The following SRPK2 variants were observed in gnomAD, a reference collection of about 807,000 sequenced individuals.
SRPK2 encodes SFRS protein kinase 2.
Under a neutral mutation model 90.8 loss-of-function variants are expected in SRPK2, and 21 were observed. The observed-to-expected ratio is 0.23, with a 90% CI of 0.16 to 0.33. The LOEUF (loss-of-function observed/expected upper bound fraction) is 0.33. SRPK2 is among the 10% of genes least tolerant of loss of function. SRPK2 has a pLI of 1.00. For synonymous variants in SRPK2, 288 were observed against 311.1 expected, an observed-to-expected ratio of 0.93 and a Z score of 0.78; for missense variants, 620 against 869.0, an observed-to-expected ratio of 0.71 and a Z score of 3.60.
At chr7:105,215,862 G>A (rs1797397427) in intron 2 of SRPK2, among the ~76,000 whole-genome samples, 1 of 152,132 alleles carries the variant, frequency 6.6e-6, no homozygotes, top group Non-Finnish European at 1.5e-5. Context: ...CTACTCAAGT[G>A]TATGAAGTTT....
chr7:105,257,879 A>G (rs1803554188), intron 2 of SRPK2, among the ~76,000 whole-genome samples: 1 of 152,214 alleles, frequency 6.6e-6, no homozygotes. Context: ...TGGGAGTCCG[A>G]GGCAGGCAGA....
chr7:105,341,682 AC>A (rs1322225834), intron 2 of SRPK2, among the ~76,000 whole-genome samples: 1 of 151,998 alleles, frequency 6.6e-6, no homozygotes, highest in Non-Finnish European at 1.5e-5. Flanking sequence ...AAATAAAAAA[AC>A]AGGGGACGGG....
chr7:105,305,499 A>G (rs1027159569), intron 2 of SRPK2, among the ~76,000 whole-genome samples: 2 of 152,204 alleles, frequency 1.3e-5, no homozygotes, highest in Non-Finnish European at 2.9e-5. Flanking sequence ...GACCAAGGAA[A>G]TTGTAGAGAA....
At chr7:105,130,057 G>C (rs557241281) in intron 13 of SRPK2, among the ~76,000 whole-genome samples, 1 of 152,162 alleles carries the variant, frequency 6.6e-6, no homozygotes, top group South Asian at 2.1e-4. Context: ...TACACTGGAA[G>C]GTGTAAAGCT....
chr7:105,264,369 G>A (rs1585429173), intron 2 of SRPK2, among the ~76,000 whole-genome samples: 1 of 152,312 alleles, frequency 6.6e-6, no homozygotes, highest in African/African-American at 2.4e-5. Flanking sequence ...CACAAAAACA[G>A]CCTGGGTTCC....
At chr7:105,227,893 C>CAAAAAAAAAAAAAAAAAAAAA (rs566478716) in intron 2 of SRPK2, among the ~76,000 whole-genome samples, 5 of 84,690 alleles carry the variant, frequency 5.9e-5, no homozygotes, top group Non-Finnish European at 7.4e-5. Flanking sequence ...TATCATTCAG[C>CAAAAAAAAAAAAAAAAAAAAA]AAAAAAAAAA....
chr7:105,256,470 C>T (rs1009939840), intron 2 of SRPK2, among the ~76,000 whole-genome samples: 2 of 152,170 alleles, frequency 1.3e-5, no homozygotes, highest in African/African-American at 2.4e-5. Flanking sequence ...ATCCTCTCAC[C>T]GCAGCCTCCT....
chr7:105,261,448 G>A (rs548145699), intron 2 of SRPK2, among the ~76,000 whole-genome samples: 4 of 152,040 alleles, frequency 2.6e-5, no homozygotes, highest in South Asian at 4.2e-4. Context: ...GTGAACCTGG[G>A]AGGCGGAGCT....
chr7:105,343,952 G>A (rs1049953833), intron 2 of SRPK2, among the ~76,000 whole-genome samples: 6 of 152,048 alleles, frequency 3.9e-5, no homozygotes, highest in Admixed American at 6.6e-5. Flanking sequence ...TAATAGAGAC[G>A]GGGGTTTCAT....
chr7:105,218,354 A>G (rs1797708945), intron 2 of SRPK2, among the ~76,000 whole-genome samples: 1 of 152,258 alleles, frequency 6.6e-6, no homozygotes, highest in African/African-American at 2.4e-5. Context: ...CAAAAGTGAG[A>G]ATCAAGAGAT....
chr7:105,170,912 AAAGG>A (rs200854682), intron 3 of SRPK2, among the ~76,000 whole-genome samples: 12 of 123,564 alleles, frequency 9.7e-5, no homozygotes, highest in African/African-American at 3.6e-4. Flanking sequence ...AGAAAGAAAG[AAAGG>A]AGAAAGAAAA....
chr7:105,376,354 C>T (rs1348017240), intron 2 of SRPK2, among the ~76,000 whole-genome samples: 1 of 151,218 alleles, frequency 6.6e-6, no homozygotes, highest in Admixed American at 6.6e-5. Context: ...CGGCATTCTT[C>T]ATCTCAGAGC....
intron 2 of SRPK2, among the ~76,000 whole-genome samples, chr7:105,331,331 A>AAAAAAC (rs1814356756): frequency 2.1e-5 from 3 of 146,312 alleles, no homozygotes; most frequent in Non-Finnish European, 4.5e-5. Flanking sequence ...AAAAAAAAAA[A>AAAAAAC]AAAAAACAAA....
chr7:105,308,093 C>A (rs373791300), intron 2 of SRPK2, among the ~76,000 whole-genome samples: 2 of 152,098 alleles, frequency 1.3e-5, no homozygotes, highest in Admixed American at 6.6e-5. Context: ...CCCAAATATA[C>A]CCCAAAATTA....
chr7:105,396,800 GAGAA>G (rs200265544), intron 1 of SRPK2, among the ~76,000 whole-genome samples: 30,396 of 119,558 alleles, frequency 0.25, 3,577 homozygotes, highest in East Asian at 0.32. Flanking sequence ...GAAAGAGAAA[GAGAA>G]AGAAAGAAAG....
At chr7:105,156,011 C>G (rs62488063) in intron 7 of SRPK2, among the ~76,000 whole-genome samples, 1,933 of 152,174 alleles carry the variant, frequency 0.013, 31 homozygotes, top group Admixed American at 0.04. Context: ...AAATAGGGTA[C>G]CTGAGGGACA....
rs747586511 is a variant in SRPK2 at position 105,345,573 on chromosome 7, T to G, written c.71+43075A>C. Among the ~76,000 whole-genome samples, 91 of 152,314 alleles carry G rather than the reference T, an allele frequency of 6.0e-4. 3 individuals are homozygous for G. Among genetic ancestry groups the G allele is most frequent in the Middle Eastern group, 3.4e-3 (1 of 294 alleles). On this transcript the variant is annotated intron_variant, in intron 2 of 15. Transcript: ENST00000393651. The stretch of plus-strand genomic sequence containing the variant: ...GTGCTATGTAACAATTGTAAGTTAT[T>G]ACAGGGAATAACATGAAAGACAACT...
Position 105,146,650 on chromosome 7 carries a change from T to C in SRPK2, c.630A>G (p.Gln210=), listed in dbSNP as rs1192980569. The part of the protein sequence containing the change: ...CVKSIIRQVL[Q]GLDYLHSKCK... ...ACTTACTGTGTAAGTAATCTAACCC[T>C]TGAAGGACCTGGATATAGTAAAATC... is the stretch of plus-strand genomic sequence containing the variant. Residue 210 remains glutamine (Q), a synonymous_variant, in exon 8 of 16, where the codon CAA becomes CAG. Transcript: ENST00000393651. 2 of 1,614,026 alleles carry C rather than the reference T, an allele frequency of 1.2e-6. No individual in the cohort carries two copies. Among genetic ancestry groups the C allele is most frequent in the Non-Finnish European group, 1.7e-6 (2 of 1,179,994 alleles).
intron 2 of SRPK2, among the ~76,000 whole-genome samples, chr7:105,247,321 T>A (rs1281424206): frequency 6.6e-6 from 1 of 152,172 alleles, no homozygotes; most frequent in African/African-American, 2.4e-5. Context: ...TTTTCGTCTG[T>A]AAAATACAGA....
Sources: gnomAD v4.1 joint callset for allele counts (sites outside exome capture counted in the v4.1 genomes callset) on GRCh38, gnomAD v4.1.1 for gene constraint, MANE v1.5 for transcripts, NCBI Gene and HGNC (gene_info 2026-07-23, HGNC 2026-07-21) for gene names.